Variants in AFF3 observed in about 807,000 individuals in gnomAD.
AFF3 encodes ALF transcription elongation factor 3, also known as AF4/FMR2 family member 3.
AFF3 carries 32 observed loss-of-function variants against 129.7 expected under a neutral mutation model. That is an observed-to-expected ratio of 0.25 (90% CI 0.19 to 0.33). AFF3 has a LOEUF of 0.33. Ranked by LOEUF, AFF3 falls within the 10% of genes least tolerant of loss-of-function variation. The probability of loss-of-function intolerance (pLI) is 1.00; values close to 1 mark genes in which losing one functional copy is unlikely to be tolerated. For missense variants in AFF3, 1,373 were observed against 1,592.0 expected (o/e 0.86, Z 2.34); for synonymous variants, 644 against 635.4 (o/e 1.01, Z -0.20).
intron 4 of AFF3, among the ~76,000 whole-genome samples, chr2:100,072,065 T>C (rs894608097): frequency 5.9e-5 from 9 of 152,180 alleles, no homozygotes; most frequent in Admixed American, 2.0e-4. Context: ...ACTTTAACCA[T>C]GGAACAAGAC....
intron 7 of AFF3, among the ~76,000 whole-genome samples, chr2:99,839,577 AT>A (rs35006303): frequency 0.16 from 24,639 of 151,304 alleles, 2,120 homozygotes; most frequent in Admixed American, 0.24. Flanking sequence ...ATGATGTCTC[AT>A]TGTGGCTTTG....
intron 4 of AFF3, among the ~76,000 whole-genome samples, chr2:100,099,410 A>G (rs2576640): frequency 1.3e-5 from 2 of 152,184 alleles, no homozygotes; most frequent in Non-Finnish European, 1.5e-5. Context: ...GGGCACTACT[A>G]GGCAGCATCC....
At chr2:99,804,340 C>T (rs1348282955) in intron 8 of AFF3, among the ~76,000 whole-genome samples, 7 of 152,088 alleles carry the variant, frequency 4.6e-5, no homozygotes, top group African/African-American at 1.7e-4. Flanking sequence ...AAAAAATGTT[C>T]AACATCAGTA....
At chr2:99,697,873 T>C (rs1676448306) in intron 11 of AFF3, among the ~76,000 whole-genome samples, 1 of 152,268 alleles carries the variant, frequency 6.6e-6, no homozygotes. Flanking sequence ...AACATTGTTT[T>C]ATGAACACAA....
intron 4 of AFF3, among the ~76,000 whole-genome samples, chr2:100,043,632 A>T (rs1315706549): frequency 6.6e-6 from 1 of 152,234 alleles, no homozygotes; most frequent in Non-Finnish European, 1.5e-5. Flanking sequence ...GACGTTAGAA[A>T]ATAAAACTTT....
At chr2:99,625,611 T>C (rs748387741) in intron 13 of AFF3, among the ~76,000 whole-genome samples, 2 of 152,094 alleles carry the variant, frequency 1.3e-5, no homozygotes, top group Non-Finnish European at 2.9e-5. Flanking sequence ...TATGACAGGA[T>C]ACTAGACGAA....
At chr2:99,738,864 G>T (rs1035794472) in intron 10 of AFF3, among the ~76,000 whole-genome samples, 1 of 152,002 alleles carries the variant, frequency 6.6e-6, no homozygotes, top group Non-Finnish European at 1.5e-5. Context: ...TGTACTTTAG[G>T]TGTATAGAAT....
Position 99,568,933 on chromosome 2 carries a change from T to C in AFF3, c.2919-18A>G, listed in dbSNP as rs750606377. 9 of 1,611,028 alleles carry C rather than the reference T, an allele frequency of 5.6e-6. No homozygotes were observed. On this transcript the variant is annotated intron_variant, in intron 18 of 24. Transcript: ENST00000672756. ...TGCGAGGCCTACAAGGAGAGAATGATATTAAACGTCATTATGGCTTAAGTG... is the reference window on the plus strand; with the variant it reads ...TGCGAGGCCTACAAGGAGAGAATGACATTAAACGTCATTATGGCTTAAGTG...
intron 8 of AFF3, among the ~76,000 whole-genome samples, chr2:99,829,466 G>A (rs1169534656): frequency 6.6e-6 from 1 of 152,108 alleles, no homozygotes; most frequent in Admixed American, 6.5e-5. Flanking sequence ...TCAAAAAGTG[G>A]GCGAAGGATA....
At chr2:99,801,766 C>T (rs1190855487) in intron 8 of AFF3, among the ~76,000 whole-genome samples, 12 of 152,192 alleles carry the variant, frequency 7.9e-5, no homozygotes, top group Admixed American at 2.6e-4. Flanking sequence ...TCCAGAAAAG[C>T]GGAAATTGTA....
intron 8 of AFF3, among the ~76,000 whole-genome samples, chr2:99,753,711 A>G (rs1276280094): frequency 6.6e-6 from 1 of 152,182 alleles, no homozygotes; most frequent in African/African-American, 2.4e-5. Flanking sequence ...TACTGACCCC[A>G]TATCATCTCT....
intron 12 of AFF3, among the ~76,000 whole-genome samples, chr2:99,664,866 A>T (rs780317007): frequency 6.6e-6 from 1 of 152,256 alleles, no homozygotes; most frequent in Non-Finnish European, 1.5e-5. Context: ...TAAACATAAC[A>T]TATAACTAAA....
chr2:99,579,514 G>C (rs1677325681), intron 17 of AFF3, among the ~76,000 whole-genome samples: 1 of 152,126 alleles, frequency 6.6e-6, no homozygotes, highest in African/African-American at 2.4e-5. Flanking sequence ...GAGGTCAGGA[G>C]TTCAAGACCA....
At chr2:100,124,872 A>G (rs1484638752) in intron 2 of AFF3, among the ~76,000 whole-genome samples, 1 of 152,242 alleles carries the variant, frequency 6.6e-6, no homozygotes, top group African/African-American at 2.4e-5. Flanking sequence ...ATTAGAGCAT[A>G]AAGACAGAGA....
chr2:100,081,551 C>A (rs1340006913), intron 4 of AFF3, among the ~76,000 whole-genome samples: 3 of 152,138 alleles, frequency 2.0e-5, no homozygotes, highest in African/African-American at 7.2e-5. Context: ...CCTGCACCCC[C>A]TCATCATCTG....
chr2:99,953,071 T>C (rs1676313312), intron 7 of AFF3, among the ~76,000 whole-genome samples: 1 of 152,200 alleles, frequency 6.6e-6, no homozygotes, highest in Non-Finnish European at 1.5e-5. Flanking sequence ...CACCAACTGG[T>C]GCTCAGCAAA....
chr2:100,069,214 C>T (rs879754600), intron 4 of AFF3, among the ~76,000 whole-genome samples: 2 of 152,088 alleles, frequency 1.3e-5, no homozygotes, highest in Non-Finnish European at 2.9e-5. Context: ...CTGAGTGGCT[C>T]TGCCACCCAA....
chr2:100,130,579 A>C (rs1692389405), intron 1 of AFF3, among the ~76,000 whole-genome samples: 1 of 152,216 alleles, frequency 6.6e-6, no homozygotes, highest in African/African-American at 2.4e-5. Context: ...ATCTTATAGC[A>C]GTGCGTTGCC....
chr2:99,611,366 A>AT (rs1487545971), intron 13 of AFF3, among the ~76,000 whole-genome samples: 1 of 151,852 alleles, frequency 6.6e-6, no homozygotes, highest in Non-Finnish European at 1.5e-5. Context: ...ATGATGAGTG[A>AT]TTTTCTATTG....
Sources: allele counts gnomAD v4.1 joint callset (sites outside exome capture counted in the v4.1 genomes callset), GRCh38; gene constraint gnomAD v4.1.1; transcripts MANE v1.5; gene names NCBI Gene and HGNC (gene_info 2026-07-23, HGNC 2026-07-21).